The following CBFB variants were observed in gnomAD, a reference collection of about 807,000 sequenced individuals.
CBFB encodes the protein CBF-beta.
A neutral mutation model predicts 30.4 loss-of-function variants in CBFB; 9 were observed. The observed-to-expected ratio is 0.30, with a 90% CI of 0.18 to 0.52. CBFB has a LOEUF of 0.52. Among genes scored for constraint, CBFB ranks in the 20% least tolerant of loss-of-function variants. The pLI, the probability that CBFB is intolerant of heterozygous loss-of-function variation, is 0.97. For synonymous variants in CBFB, 94 were observed against 84.0 expected (o/e 1.12, Z -0.65); for missense variants, 170 against 244.0 (o/e 0.70, Z 2.02).
chr16:67,055,299 T>C (rs1389468517), intron 3 of CBFB, among the ~76,000 whole-genome samples: 1 of 151,894 alleles, frequency 6.6e-6, no homozygotes, highest in Non-Finnish European at 1.5e-5. Context: ...AATATGTATT[T>C]ATATGTGTAT....
intron 4 of CBFB, among the ~76,000 whole-genome samples, chr16:67,069,592 G>T (rs1420505189): frequency 2.6e-5 from 4 of 152,144 alleles, no homozygotes; most frequent in Non-Finnish European, 4.4e-5. Context: ...AAACTCTCAC[G>T]TTTGATGAAA....
At chr16:67,078,427 T>A (rs1199144475) in intron 4 of CBFB, among the ~76,000 whole-genome samples, 1 of 152,008 alleles carries the variant, frequency 6.6e-6, no homozygotes, top group Admixed American at 6.6e-5. Context: ...ACACCTGTAG[T>A]CCCTGCTACT....
Position 67,100,539 on chromosome 16 carries a change from T to C in CBFB, c.*1761T>C. 1 of 227,924 alleles carries C rather than the reference T, an allele frequency of 4.4e-6. No individual in the cohort carries two copies. Among genetic ancestry groups the C allele is most frequent in the Non-Finnish European group, 8.7e-6 (1 of 114,438 alleles). 14.1% of individuals were successfully genotyped at this position (227,924 alleles called of 1,614,324 possible). A position where few individuals can be genotyped will look rare whatever the true frequency, so the allele number is the denominator to read the frequency against. ...TCACATGTTTACACACTCAGTGCCCTAATTTCCCCTGAGGGAATCGCTTTT... is the reference window on the plus strand; with the variant it reads ...TCACATGTTTACACACTCAGTGCCCCAATTTCCCCTGAGGGAATCGCTTTT... On this transcript the variant is annotated 3_prime_UTR_variant, in exon 6 of 6. Coordinates refer to ENST00000412916, the MANE Select transcript of CBFB (RefSeq NM_022845.3).
intron 4 of CBFB, among the ~76,000 whole-genome samples, chr16:67,075,261 A>G (rs1351679822): frequency 6.6e-6 from 1 of 151,234 alleles, no homozygotes; most frequent in Non-Finnish European, 1.5e-5. Context: ...TCAGTGAGAA[A>G]ATATTTTCAT....
intron 3 of CBFB, among the ~76,000 whole-genome samples, chr16:67,054,775 C>T (rs564000105): frequency 1.3e-5 from 2 of 151,516 alleles, no homozygotes; most frequent in East Asian, 1.9e-4. Context: ...TGTTTTGAGA[C>T]GGAGTCTCGC....
intron 3 of CBFB, among the ~76,000 whole-genome samples, chr16:67,058,560 C>G (rs1241891425): frequency 6.6e-6 from 1 of 152,148 alleles, no homozygotes; most frequent in African/African-American, 2.4e-5. Context: ...TTGAACTCAT[C>G]ATATATCCCC....
At chr16:67,043,435 T>C (rs1966566765) in intron 3 of CBFB, among the ~76,000 whole-genome samples, 1 of 152,204 alleles carries the variant, frequency 6.6e-6, no homozygotes, top group South Asian at 2.1e-4. Flanking sequence ...ATAAGGAAGG[T>C]CTGTTAACGG....
Position 67,042,934 on chromosome 16 carries a change from C to T in CBFB, c.282+6179C>T, listed in dbSNP as rs547546112. ...TACTTTTAGTAGAGACAGGGTTTCACCATGTTGGCCAGGCTGGTCTCAAAC... is the reference window on the plus strand; with the variant it reads ...TACTTTTAGTAGAGACAGGGTTTCATCATGTTGGCCAGGCTGGTCTCAAAC... On this transcript the variant is annotated intron_variant, in intron 3 of 5. Transcript: ENST00000412916. Among the ~76,000 whole-genome samples the T allele has an allele frequency of 1.4e-4, 22 of 152,180 alleles. No homozygotes were observed. The South Asian group carries it at 4.1e-3, about 29-fold the overall frequency.
intron 2 of CBFB, among the ~76,000 whole-genome samples, chr16:67,032,911 G>C (rs973144481): frequency 6.6e-6 from 1 of 152,190 alleles, no homozygotes; most frequent in East Asian, 1.9e-4. Flanking sequence ...TCATTTTGCT[G>C]TTGCCCAGGC....
At chr16:67,096,896 C>T (rs558040047) in intron 5 of CBFB, among the ~76,000 whole-genome samples, 2 of 147,854 alleles carry the variant, frequency 1.4e-5, no homozygotes, top group South Asian at 2.1e-4. Context: ...GAGCCAAGAT[C>T]GCGCCACTGC....
At chr16:67,084,237 AAG>A (rs912893367) in intron 5 of CBFB, among the ~76,000 whole-genome samples, 4 of 151,738 alleles carry the variant, frequency 2.6e-5, no homozygotes, top group Non-Finnish European at 4.4e-5. Context: ...GTGTTTGAAA[AAG>A]AGTGTTGTCA....
intron 5 of CBFB, among the ~76,000 whole-genome samples, chr16:67,082,590 C>A (rs997718091): frequency 3.9e-5 from 6 of 152,032 alleles, no homozygotes; most frequent in African/African-American, 1.2e-4. Flanking sequence ...CAAAATCTCA[C>A]CTCTTTTTTT....
chr16:67,051,319 TG>T (rs1966735455), intron 3 of CBFB, among the ~76,000 whole-genome samples: 1 of 152,240 alleles, frequency 6.6e-6, no homozygotes, highest in African/African-American at 2.4e-5. Flanking sequence ...TGAATTCACA[TG>T]TGATGTGTGA....
intron 3 of CBFB, among the ~76,000 whole-genome samples, chr16:67,043,401 A>G (rs1473380075): frequency 6.6e-6 from 1 of 152,206 alleles, no homozygotes; most frequent in Non-Finnish European, 1.5e-5. Flanking sequence ...GTGGCTATAG[A>G]ATATTTTCAA....
intron 4 of CBFB, among the ~76,000 whole-genome samples, chr16:67,072,454 CTTGT>C (rs1347917407): frequency 2.6e-5 from 4 of 151,402 alleles, no homozygotes; most frequent in Non-Finnish European, 5.9e-5. Context: ...TCAATATGGT[CTTGT>C]TTTTCTTTTT....
intron 4 of CBFB, 127 bp downstream of exon 4, chr16:67,066,925 G>T: frequency 1.9e-6 from 1 of 520,220 alleles, no homozygotes; most frequent in Non-Finnish European, 3.6e-6. Context: ...CAATATTGAG[G>T]AATCCTGAAA....
chr16:67,051,526 A>C (rs1421321592), intron 3 of CBFB, among the ~76,000 whole-genome samples: 1 of 151,880 alleles, frequency 6.6e-6, no homozygotes, highest in Non-Finnish European at 1.5e-5. Context: ...CCAGTTTTAT[A>C]CTCATTATTT....
chr16:67,040,401 A>G (rs1215039197), intron 3 of CBFB, among the ~76,000 whole-genome samples: 2 of 152,208 alleles, frequency 1.3e-5, no homozygotes, highest in African/African-American at 4.8e-5. Context: ...GTTAGGCAAA[A>G]TTGAGTTAAG....
At position 67,060,426 on chromosome 16, in the gene CBFB, CCCA is replaced by C. The variant is rs1960875989; in HGVS notation, c.283-6255_283-6253del. On this transcript the variant is annotated intron_variant, in intron 3 of 5. Coordinates refer to ENST00000412916, the MANE Select transcript of CBFB (RefSeq NM_022845.3). ...CATTTTCGTCACACCATAAAGAAAT[CCCA>C]TACATGGTAGCAATTACTCCTCATT... 2.0e-5 allele frequency among the ~76,000 whole-genome samples: 3 copies of C among 152,276 alleles called. No individual in the cohort carries two copies. The South Asian group carries it at 6.2e-4, about 32-fold the overall frequency.
Sources: gnomAD v4.1 joint callset for allele counts (sites outside exome capture counted in the v4.1 genomes callset) on GRCh38, gnomAD v4.1.1 for gene constraint, MANE v1.5 for transcripts, NCBI Gene and HGNC (gene_info 2026-07-23, HGNC 2026-07-21) for gene names.